CLVS1: variants seen among roughly 807,000 people sequenced by gnomAD.
The protein encoded by CLVS1 is clavesin 1.
Under a neutral mutation model 33.1 loss-of-function variants are expected in CLVS1, and 10 were observed. That is an observed-to-expected ratio of 0.30 (90% CI 0.19 to 0.51). CLVS1 has a LOEUF of 0.51. Among genes scored for constraint, CLVS1 ranks in the 20% least tolerant of loss-of-function variants. CLVS1 has a pLI of 0.97. For synonymous variants in CLVS1, 163 were observed against 166.1 expected, an observed-to-expected ratio of 0.98 and a Z score of 0.14; for missense variants, 343 against 433.4, an observed-to-expected ratio of 0.79 and a Z score of 1.85.
Position 61,102,674 on chromosome 8 carries a change from C to T in CLVS1, c.-242-29096C>T, listed in dbSNP as rs550774665. 1.0e-3 allele frequency among the ~76,000 whole-genome samples: 152 copies of T among 152,288 alleles called. 2 individuals carry two copies. The South Asian group carries it at 0.03, about 30-fold the overall frequency. On this transcript the variant is annotated intron_variant, in intron 1 of 2. Coordinates refer to the CLVS1 transcript ENST00000522621. ...CCATAGTAAAAAGCTCCATGACCCT[C>T]ACAAGTTCTTCACTCCTAACTGCTA...
chr8:61,271,543 T>G (rs1175571431), intron 2 of CLVS1, among the ~76,000 whole-genome samples: 1 of 146,686 alleles, frequency 6.8e-6, no homozygotes, highest in Admixed American at 6.8e-5. Context: ...GCTTGGTGCA[T>G]AGCTGAGTTC....
chr8:60,984,618 G>A, the CLVS1 span, among the ~76,000 whole-genome samples: 9 of 152,158 alleles, frequency 5.9e-5, no homozygotes, highest in East Asian at 9.6e-4. Context: ...GTGAGCCACC[G>A]TGCCTGGCCC....
At chr8:61,133,132 G>A (rs1806131052) in intron 2 of CLVS1, among the ~76,000 whole-genome samples, 1 of 152,204 alleles carries the variant, frequency 6.6e-6, no homozygotes, top group Non-Finnish European at 1.5e-5. Flanking sequence ...GCTCTGCCTG[G>A]TGGGGGACAC....
At chr8:61,214,855 T>A (rs1416682262) in intron 2 of CLVS1, among the ~76,000 whole-genome samples, 1 of 152,208 alleles carries the variant, frequency 6.6e-6, no homozygotes, top group African/African-American at 2.4e-5. Context: ...TGTTTCCCAC[T>A]GTGAGTTTAA....
chr8:61,357,458 GT>G (rs368964889), intron 2 of CLVS1, among the ~76,000 whole-genome samples: 1,851 of 84,460 alleles, frequency 0.022, 17 homozygotes, highest in Non-Finnish European at 0.039. Context: ...TTGCCAGGAC[GT>G]TTTTTTTTCC....
intron 1 of CLVS1, among the ~76,000 whole-genome samples, chr8:61,063,021 T>A (rs1448434181): frequency 2.0e-5 from 3 of 152,186 alleles, no homozygotes; most frequent in Non-Finnish European, 4.4e-5. Flanking sequence ...AACTATGACA[T>A]CGAAACTATT....
chr8:61,064,283 C>G (rs1804635098), intron 1 of CLVS1, among the ~76,000 whole-genome samples: 1 of 152,172 alleles, frequency 6.6e-6, no homozygotes, highest in African/African-American at 2.4e-5. Context: ...CTACATTTAA[C>G]TTTTTGAGCA....
chr8:61,441,417 GA>G (rs1816539901), intron 3 of CLVS1, among the ~76,000 whole-genome samples: 1 of 152,136 alleles, frequency 6.6e-6, no homozygotes, highest in Non-Finnish European at 1.5e-5. Context: ...TAGATGGAGG[GA>G]GTTCGTTGTA....
At chr8:61,134,686 T>A (rs1806159988) in intron 2 of CLVS1, among the ~76,000 whole-genome samples, 1 of 152,158 alleles carries the variant, frequency 6.6e-6, no homozygotes, top group African/African-American at 2.4e-5. Flanking sequence ...ATCACAGTGA[T>A]TCTGACACTC....
At chr8:61,355,157 C>CA (rs1812640072) in intron 2 of CLVS1, among the ~76,000 whole-genome samples, 1 of 152,142 alleles carries the variant, frequency 6.6e-6, no homozygotes, top group African/African-American at 2.4e-5. Flanking sequence ...CTTGCAGCAA[C>CA]ATCAATTGGT....
intron 3 of CLVS1, among the ~76,000 whole-genome samples, chr8:61,406,898 C>A (rs970659223): frequency 6.6e-6 from 1 of 152,078 alleles, no homozygotes; most frequent in African/African-American, 2.4e-5. Flanking sequence ...TGCGAGCTGC[C>A]GCGCCAGGCC....
At chr8:61,157,882 C>CCAAT (rs1402024717) in intron 2 of CLVS1, among the ~76,000 whole-genome samples, 1 of 151,882 alleles carries the variant, frequency 6.6e-6, no homozygotes, top group Non-Finnish European at 1.5e-5. Flanking sequence ...AGAATATGAG[C>CCAAT]CAATCAGAAC....
At chr8:61,251,617 T>A (rs894724251) in intron 2 of CLVS1, among the ~76,000 whole-genome samples, 1 of 152,096 alleles carries the variant, frequency 6.6e-6, no homozygotes, top group Non-Finnish European at 1.5e-5. Context: ...TTCAGGAATT[T>A]GACTTCTTCC....
At chr8:61,087,596 G>A (rs1054951901) in intron 1 of CLVS1, among the ~76,000 whole-genome samples, 1 of 152,100 alleles carries the variant, frequency 6.6e-6, no homozygotes, top group African/African-American at 2.4e-5. Flanking sequence ...AGGAAGTGAG[G>A]GAAACAGATC....
At position 61,190,400 on chromosome 8, in the gene CLVS1, A is replaced by G. The variant is rs141991411; in HGVS notation, c.-152+58540A>G. Reference sequence around the variant, plus strand: ...TGTGTAGAGGGAAATTTATAGCACTAAATGCCCACAAGAGAAAGCACAAAA... The same window carrying G: ...TGTGTAGAGGGAAATTTATAGCACTGAATGCCCACAAGAGAAAGCACAAAA... On this transcript the variant is annotated intron_variant, in intron 2 of 2. Coordinates refer to the CLVS1 transcript ENST00000522621. Among the ~76,000 whole-genome samples, 1,161 of 152,328 alleles carry G rather than the reference A, an allele frequency of 7.6e-3. 9 individuals carry two copies. The highest frequency in any genetic ancestry group is 0.014 in the Middle Eastern group (4 of 294).
rs556121213 is a variant in CLVS1 at position 61,202,753 on chromosome 8, C to G, written c.-152+70893C>G. The G allele has an allele frequency of 1.7e-3, 2,722 of 1,575,030 alleles. 66 individuals carry two copies. The South Asian group carries it at 0.029, about 17-fold the overall frequency. On this transcript the variant is annotated intron_variant, in intron 2 of 2. Coordinates refer to the CLVS1 transcript ENST00000522621. The stretch of plus-strand genomic sequence containing the variant: ...AGATGAAGAGGAGGAGGATGTGAAA[C>G]TCTTAAGTATATCTGGAAAGCGATC...
At chr8:61,380,201 C>T (rs1813815250) in intron 3 of CLVS1, among the ~76,000 whole-genome samples, 2 of 152,192 alleles carry the variant, frequency 1.3e-5, no homozygotes, top group Admixed American at 6.5e-5. Context: ...GGCTAGCAAG[C>T]AGGGGACAGT....
chr8:61,267,388 C>A (rs978420147), intron 2 of CLVS1, among the ~76,000 whole-genome samples: 6 of 152,002 alleles, frequency 3.9e-5, no homozygotes, highest in Non-Finnish European at 7.4e-5. Flanking sequence ...TGCACAGAAA[C>A]AAAATAGAAT....
intron 1 of CLVS1, among the ~76,000 whole-genome samples, chr8:61,107,954 A>G (rs55780478): frequency 0.4 from 61,456 of 151,926 alleles, 13,492 homozygotes; most frequent in East Asian, 0.82. Flanking sequence ...TATTCTAGAC[A>G]CTTCGGATTC....
Sources: gnomAD v4.1 joint callset for allele counts (sites outside exome capture counted in the v4.1 genomes callset) on GRCh38, gnomAD v4.1.1 for gene constraint, MANE v1.5 for transcripts, NCBI Gene and HGNC (gene_info 2026-07-23, HGNC 2026-07-21) for gene names.